The following DEAF1 variants were observed in gnomAD, a reference collection of about 807,000 sequenced individuals.
DEAF1 encodes deformed epidermal autoregulatory factor 1 homolog.
A neutral mutation model predicts 58.9 loss-of-function variants in DEAF1; 53 were observed. The observed-to-expected ratio is 0.90, with a 90% CI of 0.72 to 1.13. DEAF1 has a LOEUF of 1.13. DEAF1 is among the 50% of genes most tolerant of loss of function. The pLI, the probability that DEAF1 is intolerant of heterozygous loss-of-function variation, is 0.00. For synonymous variants in DEAF1, 385 were observed against 340.4 expected (o/e 1.13, Z -1.44); for missense variants, 685 against 791.4 (o/e 0.87, Z 1.61).
At position 694,944 on chromosome 11, in the gene DEAF1, C is replaced by T. The variant is rs2133439037; in HGVS notation, c.104G>A (p.Gly35Asp). The change falls in exon 1 of 12, where the codon GGC becomes GAC. Residue 35 changes from glycine (G) to aspartate (D), a missense_variant. Coordinates refer to ENST00000382409, the MANE Select transcript of DEAF1 (RefSeq NM_021008.4). Reference sequence around the variant, plus strand: ...GCTCAGCACCGGCTCCTCCGCCTCGCCTCCTGCCGCGGCCGCGGCCGCCGC... The same window carrying T: ...GCTCAGCACCGGCTCCTCCGCCTCGTCTCCTGCCGCGGCCGCGGCCGCCGC... ...VAAAAAAAAG[G>D]EAEEPVLSRD... 1 of 1,293,346 alleles carries T rather than the reference C, an allele frequency of 7.7e-7. No individual in the cohort carries two copies. 80.1% of individuals were successfully genotyped at this position (1,293,346 alleles called of 1,614,324 possible).
chr11:681,239 CTT>C (rs1860350717), intron 6 of DEAF1, 150 bp from the exon 7 acceptor site: 2 of 1,142,190 alleles, frequency 1.8e-6, no homozygotes, highest in Non-Finnish European at 2.5e-6. Flanking sequence ...GATCCCACCT[CTT>C]TTTCTTTTTT....
chr11:663,617 TCTC>T (rs1246712510), intron 10 of DEAF1, among the ~76,000 whole-genome samples: 2 of 150,632 alleles, frequency 1.3e-5, no homozygotes, highest in East Asian at 2.0e-4. Context: ...TCCTCCTCCA[TCTC>T]CTCAGCGACT....
At position 678,267 on chromosome 11, in the gene DEAF1, C is replaced by T. The variant is rs1860168183; in HGVS notation, c.1255+427G>A. The T allele has an allele frequency of 2.4e-5, 6 of 251,468 alleles. 1 individual carries two copies. In the South Asian group the frequency reaches 2.8e-4, roughly 12 times the overall value. The allele number at this position is 251,468 out of a possible 1,614,324, so 15.6% of individuals were successfully genotyped here. Reference sequence around the variant, plus strand: ...AAGTTAGAATGCATTTACAGTGTATCGTCATTTTAAAGATTTAGGCCACAT... The same window carrying T: ...AAGTTAGAATGCATTTACAGTGTATTGTCATTTTAAAGATTTAGGCCACAT... On this transcript the variant is annotated intron_variant, in intron 9 of 11. Coordinates refer to ENST00000382409, the MANE Select transcript of DEAF1 (RefSeq NM_021008.4).
chr11:695,882 A>G, upstream of DEAF1: 4 of 1,220,320 alleles, frequency 3.3e-6, no homozygotes, highest in Non-Finnish European at 4.1e-6. Context: ...CCGGGCTTGC[A>G]GCGGCGGGCG....
intron 1 of DEAF1, 94 bp downstream of exon 1, chr11:694,665 G>T (rs1447019556): frequency 1.7e-6 from 2 of 1,171,752 alleles, no homozygotes; most frequent in Non-Finnish European, 2.2e-6. Context: ...GGACAGGTGT[G>T]GCGGGCTGGT....
At chr11:675,593 C>T (rs1312020563) in intron 9 of DEAF1, among the ~76,000 whole-genome samples, 3 of 152,118 alleles carry the variant, frequency 2.0e-5, no homozygotes, top group South Asian at 2.1e-4. Flanking sequence ...GAGGCCGAGG[C>T]GGGCAGATCC....
chr11:705,975 A>G (rs1225474045), intron 1 of DEAF1: 1 of 152,200 alleles, frequency 6.6e-6, no homozygotes, highest in African/African-American at 2.4e-5. Flanking sequence ...GCGGAGGGGC[A>G]CACCAGGCGG....
intron 1 of DEAF1, among the ~76,000 whole-genome samples, chr11:702,048 C>G (rs1861521411): frequency 6.6e-6 from 1 of 152,216 alleles, no homozygotes; most frequent in South Asian, 2.1e-4. Flanking sequence ...CCCTGCCAGG[C>G]TGGAATCTTG....
intron 10 of DEAF1, among the ~76,000 whole-genome samples, chr11:671,118 T>C (rs1204425923): frequency 6.7e-6 from 1 of 149,318 alleles, no homozygotes; most frequent in Non-Finnish European, 1.5e-5. Flanking sequence ...TTAGTAGAGA[T>C]GGGGTTTCAC....
At chr11:680,585 G>A (rs957258873) in intron 7 of DEAF1, among the ~76,000 whole-genome samples, 1 of 152,172 alleles carries the variant, frequency 6.6e-6, no homozygotes, top group Admixed American at 6.5e-5. Flanking sequence ...CCTCCAGCCC[G>A]GCCACAGAGA....
intron 10 of DEAF1, among the ~76,000 whole-genome samples, chr11:662,689 C>T (rs1859369615): frequency 6.6e-6 from 1 of 152,214 alleles, no homozygotes; most frequent in Non-Finnish European, 1.5e-5. Flanking sequence ...GAAATCTCCA[C>T]ATCTAATTCA....
chr11:646,728 C>T (rs1358170957), intron 11 of DEAF1: 1 of 152,066 alleles, frequency 6.6e-6, no homozygotes, highest in Non-Finnish European at 1.5e-5. Context: ...TGTGATGCTT[C>T]TTACAGTATA....
chr11:670,176 A>G (rs1287748801), intron 10 of DEAF1, among the ~76,000 whole-genome samples: 4 of 151,938 alleles, frequency 2.6e-5, no homozygotes, highest in African/African-American at 9.7e-5. Context: ...AAATGGTCTC[A>G]TGACCAGGTT....
At chr11:705,820 T>C (rs531658660) in intron 1 of DEAF1, among the ~76,000 whole-genome samples, 14 of 152,060 alleles carry the variant, frequency 9.2e-5, no homozygotes, top group African/African-American at 2.4e-4. Flanking sequence ...CGAAGTCCCA[T>C]TGGCAGCGTT....
Position 679,824 on chromosome 11 carries a change from G to C in DEAF1, c.998-8C>G. The C allele has an allele frequency of 6.2e-7, 1 of 1,613,068 alleles. No individual in the cohort carries two copies. The highest frequency in any genetic ancestry group is 2.2e-5 in the East Asian group (1 of 44,896). On this transcript the variant is annotated splice_polypyrimidine_tract_variant and splice_region_variant and intron_variant, in intron 7 of 11. Transcript: ENST00000382409. Reference sequence around the variant, plus strand: ...CCGAGGGGGTCACGGTGACTGGAAAGGCAGAAGCACATTTCACGCGGCCAG... The same window carrying C: ...CCGAGGGGGTCACGGTGACTGGAAACGCAGAAGCACATTTCACGCGGCCAG...
chr11:648,363 T>C (rs12273585), intron 11 of DEAF1, among the ~76,000 whole-genome samples: 2,198 of 151,714 alleles, frequency 0.014, 53 homozygotes, highest in African/African-American at 0.05. Context: ...CCAAGCTAAT[T>C]TTTTTGTATT....
chr11:699,843 G>A (rs1324794504), upstream of DEAF1: 1 of 348,670 alleles, frequency 2.9e-6, no homozygotes, highest in Non-Finnish European at 5.2e-6. Flanking sequence ...ATGCCAGTGT[G>A]TGGAGGCTGT....
intron 10 of DEAF1, among the ~76,000 whole-genome samples, chr11:664,488 G>A (rs112775736): frequency 6.2e-5 from 6 of 96,522 alleles, no homozygotes; most frequent in Admixed American, 2.1e-4. Context: ...TATTCACACC[G>A]AGAGGAGGAG....
chr11:689,193 TTTC>T (rs1434309354), intron 2 of DEAF1, among the ~76,000 whole-genome samples: 136 of 143,434 alleles, frequency 9.5e-4, no homozygotes, highest in African/African-American at 3.3e-3. Flanking sequence ...TGTTTCTTTT[TTTC>T]TTTTTCTTTT....
Sources: gnomAD v4.1 joint callset for allele counts (sites outside exome capture counted in the v4.1 genomes callset) on GRCh38, gnomAD v4.1.1 for gene constraint, MANE v1.5 for transcripts, NCBI Gene and HGNC (gene_info 2026-07-23, HGNC 2026-07-21) for gene names.